The following EEFSEC variants were observed in gnomAD, a reference collection of about 807,000 sequenced individuals.
EEFSEC encodes eukaryotic elongation factor, selenocysteine-tRNA specific, also known as selenocysteine-specific elongation factor.
Under a neutral mutation model 42.1 loss-of-function variants are expected in EEFSEC, and 43 were observed. The observed-to-expected ratio is 1.02, with a 90% CI of 0.80 to 1.32. The LOEUF (loss-of-function observed/expected upper bound fraction) is 1.32, where lower values mean the gene tolerates loss of function less well. Among genes scored for constraint, EEFSEC ranks in the 40% most tolerant of loss-of-function variants. EEFSEC has a pLI of 0.00. For synonymous variants in EEFSEC, 354 were observed against 339.1 expected, an observed-to-expected ratio of 1.04 and a Z score of -0.48; for missense variants, 745 against 803.6, an observed-to-expected ratio of 0.93 and a Z score of 0.88.
At chr3:128,282,116 T>C (rs2066532666) in intron 4 of EEFSEC, among the ~76,000 whole-genome samples, 1 of 152,244 alleles carries the variant, frequency 6.6e-6, no homozygotes, top group African/African-American at 2.4e-5. Context: ...AGGGGCTACC[T>C]GGAGCAAGGG....
At chr3:128,386,225 A>G (rs1240049278) in intron 6 of EEFSEC, among the ~76,000 whole-genome samples, 1 of 152,188 alleles carries the variant, frequency 6.6e-6, no homozygotes, top group Non-Finnish European at 1.5e-5. Flanking sequence ...AGTAGGGTTC[A>G]GGTGGGCCTT....
intron 1 of EEFSEC, among the ~76,000 whole-genome samples, chr3:128,221,256 C>G (rs796454996): frequency 2.6e-5 from 4 of 152,250 alleles, no homozygotes; most frequent in African/African-American, 9.6e-5. Context: ...AAGAAAGGAG[C>G]ATCTTCAAGA....
At chr3:128,415,960 G>A in the EEFSEC span, among the ~76,000 whole-genome samples, 1 of 152,238 alleles carries the variant, frequency 6.6e-6, no homozygotes, top group Admixed American at 6.5e-5. Context: ...ATGCCTGTGG[G>A]AAGGACTAGC....
chr3:128,242,971 A>C (rs930960823), intron 1 of EEFSEC, among the ~76,000 whole-genome samples: 1 of 152,220 alleles, frequency 6.6e-6, no homozygotes, highest in Non-Finnish European at 1.5e-5. Flanking sequence ...ATTCTATGAA[A>C]CTACTAGGGA....
At chr3:128,240,143 C>T (rs2066055034) in intron 1 of EEFSEC, among the ~76,000 whole-genome samples, 2 of 152,234 alleles carry the variant, frequency 1.3e-5, no homozygotes, top group Admixed American at 6.5e-5. Flanking sequence ...CTCTCCTCCC[C>T]TTTCCCCTTC....
intron 6 of EEFSEC, among the ~76,000 whole-genome samples, chr3:128,374,296 C>A (rs1265805737): frequency 6.6e-6 from 1 of 152,216 alleles, no homozygotes; most frequent in South Asian, 2.1e-4. Context: ...GTTTTCCCCT[C>A]GCCTCCAAGG....
chr3:128,299,409 A>G (rs1055459933), intron 4 of EEFSEC, among the ~76,000 whole-genome samples: 2 of 152,056 alleles, frequency 1.3e-5, no homozygotes, highest in South Asian at 4.2e-4. Context: ...ATTATTCATC[A>G]GATTATTTAT....
intron 1 of EEFSEC, among the ~76,000 whole-genome samples, chr3:128,191,960 C>A (rs1236980767): frequency 6.6e-6 from 1 of 151,974 alleles, no homozygotes; most frequent in Non-Finnish European, 1.5e-5. Context: ...TCAAGTCCTT[C>A]GAGAATTCCT....
chr3:128,195,549 G>A (rs1576536017), intron 1 of EEFSEC, among the ~76,000 whole-genome samples: 3 of 152,156 alleles, frequency 2.0e-5, no homozygotes, highest in African/African-American at 4.8e-5. Flanking sequence ...TTTATCTGGC[G>A]GAATGTGTGG....
intron 4 of EEFSEC, among the ~76,000 whole-genome samples, chr3:128,282,192 G>A (rs1049844392): frequency 6.6e-6 from 1 of 152,236 alleles, no homozygotes; most frequent in African/African-American, 2.4e-5. Context: ...CCCCGACTTG[G>A]TCTAACCCTG....
intron 4 of EEFSEC, among the ~76,000 whole-genome samples, chr3:128,311,482 A>G (rs914666066): frequency 3.9e-5 from 6 of 152,200 alleles, no homozygotes; most frequent in African/African-American, 1.4e-4. Flanking sequence ...ACGTCCCACT[A>G]AAAGCCTGCA....
chr3:128,319,230 G>A (rs972074258), intron 4 of EEFSEC, among the ~76,000 whole-genome samples: 3 of 152,202 alleles, frequency 2.0e-5, no homozygotes, highest in African/African-American at 7.2e-5. Flanking sequence ...AGAAGTAGCA[G>A]GCCAGCGGGC....
chr3:128,296,585 CATCCGCACAGGGGTAT>C (rs1187567798), intron 4 of EEFSEC, among the ~76,000 whole-genome samples: 3 of 152,206 alleles, frequency 2.0e-5, no homozygotes, highest in Non-Finnish European at 4.4e-5. Flanking sequence ...GTCTCCTCGT[CATCCGCACAGGGGTAT>C]ATCCATGTGG....
At chr3:128,323,989 G>A (rs938218715) in intron 4 of EEFSEC, among the ~76,000 whole-genome samples, 16 of 152,312 alleles carry the variant, frequency 1.1e-4, no homozygotes, top group East Asian at 5.8e-4. Context: ...TTGAAGGGGC[G>A]GTGGGCTCCC....
At chr3:128,336,226 C>A in intron 4 of EEFSEC, among the ~76,000 whole-genome samples, 1 of 152,138 alleles carries the variant, frequency 6.6e-6, no homozygotes, top group East Asian at 1.9e-4. Context: ...ATCAGCTGTT[C>A]TTTACACACC....
chr3:128,253,384 G>C (rs967558246), intron 2 of EEFSEC, among the ~76,000 whole-genome samples: 5 of 152,092 alleles, frequency 3.3e-5, no homozygotes, highest in Admixed American at 3.3e-4. Context: ...CTATGGGAGA[G>C]GCCTGGACTC....
chr3:128,279,879 C>T (rs1483784572), intron 4 of EEFSEC, among the ~76,000 whole-genome samples: 1 of 152,214 alleles, frequency 6.6e-6, no homozygotes, highest in African/African-American at 2.4e-5. Context: ...CGGGTGTTTA[C>T]CACACTGTTC....
chr3:128,294,167 C>G (rs2107990561), intron 4 of EEFSEC, among the ~76,000 whole-genome samples: 1 of 152,318 alleles, frequency 6.6e-6, no homozygotes, highest in East Asian at 1.9e-4. Context: ...CATTAGGGGT[C>G]CTCACTGGGG....
intron 1 of EEFSEC, among the ~76,000 whole-genome samples, chr3:128,187,554 T>C (rs964564410): frequency 6.6e-6 from 1 of 152,238 alleles, no homozygotes; most frequent in African/African-American, 2.4e-5. Context: ...TTTTGTTATT[T>C]TTTTCTTTTG....
Sources: gnomAD v4.1 joint callset for allele counts (sites outside exome capture counted in the v4.1 genomes callset) on GRCh38, gnomAD v4.1.1 for gene constraint, MANE v1.5 for transcripts, NCBI Gene and HGNC (gene_info 2026-07-23, HGNC 2026-07-21) for gene names.